The following TBRG4 variants were observed in gnomAD, a reference collection of about 807,000 sequenced individuals.
TBRG4 encodes the protein FAST kinase domain-containing protein 4.
TBRG4 carries 43 observed loss-of-function variants against 65.6 expected under a neutral mutation model. The ratio of observed to expected loss-of-function variants is 0.66; its 90% CI spans 0.51 to 0.85. The LOEUF is 0.85. TBRG4 is among the 40% of genes least tolerant of loss of function. The pLI, the probability that TBRG4 is intolerant of heterozygous loss-of-function variation, is 0.00. For missense variants in TBRG4, 709 were observed against 787.9 expected, an observed-to-expected ratio of 0.90 and a Z score of 1.20; for synonymous variants, 366 against 341.4, an observed-to-expected ratio of 1.07 and a Z score of -0.79.
At chr7:45,108,711 A>G in intron 2 of TBRG4, 116 bp downstream of exon 2, 1 of 818,410 alleles carries the variant, frequency 1.2e-6, no homozygotes, top group Non-Finnish European at 1.8e-6. Context: ...AATAAAAAAT[A>G]TCACAAGAGA....
At chr7:45,111,228 G>A (rs951893480) in intron 1 of TBRG4, 1 of 154,470 alleles carries the variant, frequency 6.5e-6, no homozygotes, top group Non-Finnish European at 1.5e-5. Context: ...GGGATTACCG[G>A]AGTGAGCCAC....
Position 45,102,079 on chromosome 7 carries a change from C to T in TBRG4, c.1322-9G>A, listed in dbSNP as rs1267791764. 1 of 1,566,760 alleles carries T rather than the reference C, an allele frequency of 6.4e-7. No individual in the cohort carries two copies. Among genetic ancestry groups the T allele is most frequent in the Non-Finnish European group, 8.6e-7 (1 of 1,163,748 alleles). ...CTTCTGAGACTTGCCCCCTAGGAGACAAGGAGAAAGAAGAGGGAGGTGGGC... is the reference window on the plus strand; with the variant it reads ...CTTCTGAGACTTGCCCCCTAGGAGATAAGGAGAAAGAAGAGGGAGGTGGGC... On this transcript the variant is annotated splice_polypyrimidine_tract_variant and intron_variant, in intron 7 of 10. Coordinates refer to ENST00000258770, the MANE Select transcript of TBRG4 (RefSeq NM_004749.4).
At position 45,109,275 on chromosome 7, in the gene TBRG4, G is replaced by A; in HGVS notation, c.-38C>T. ...GGCAGAGAGACAAGACTCCTAGCAA[G>A]TGATTCCAAACCCTGAAGAGAAAAA... On this transcript the variant is annotated 5_prime_UTR_variant, in exon 2 of 11. Coordinates refer to ENST00000258770, the MANE Select transcript of TBRG4 (RefSeq NM_004749.4). The A allele has an allele frequency of 1.3e-6, 2 of 1,533,806 alleles. No homozygotes were observed. Among genetic ancestry groups the A allele is most frequent in the Non-Finnish European group, 1.7e-6 (2 of 1,143,212 alleles).
chr7:45,104,065 A>G, intron 5 of TBRG4, 34 bp downstream of exon 5: 9 of 1,545,878 alleles, frequency 5.8e-6, no homozygotes, highest in African/African-American at 1.4e-5. Flanking sequence ...CCAGGAAGCC[A>G]GCTTCTCTGA....
intron 5 of TBRG4, 29 bp downstream of exon 5, chr7:45,104,070 C>T (rs1308508124): frequency 8.4e-6 from 13 of 1,555,934 alleles, no homozygotes; most frequent in Non-Finnish European, 1.1e-5. Flanking sequence ...AAGCCAGCTT[C>T]TCTGAGTTGG....
At position 45,109,272 on chromosome 7, in the gene TBRG4, C is replaced by A. The variant is rs780234491; in HGVS notation, c.-35G>T. On this transcript the variant is annotated 5_prime_UTR_variant, in exon 2 of 11. Coordinates refer to ENST00000258770, the MANE Select transcript of TBRG4 (RefSeq NM_004749.4). Reference sequence around the variant, plus strand: ...GGTGGCAGAGAGACAAGACTCCTAGCAAGTGATTCCAAACCCTGAAGAGAA... The same window carrying A: ...GGTGGCAGAGAGACAAGACTCCTAGAAAGTGATTCCAAACCCTGAAGAGAA... 10 of 1,533,628 alleles carry A rather than the reference C, an allele frequency of 6.5e-6. No homozygotes were observed. The Admixed American group carries it at 1.9e-4, about 29-fold the overall frequency.
rs377343137 is a variant in TBRG4 at position 45,108,810 on chromosome 7, C to G, written c.411+17G>C. On this transcript the variant is annotated intron_variant, in intron 2 of 10. Transcript: ENST00000258770. ...TTTCCTCTTGTCTATGCTCTCAGAC[C>G]ACACTCCGGCACCCACCTGACTGTT... The G allele has an allele frequency of 1.5e-5, 22 of 1,513,622 alleles. No homozygotes were observed. In the African/African-American group the frequency reaches 2.2e-4, roughly 15 times the overall value. The allele number at this position is 1,513,622 out of a possible 1,614,324, so 93.8% of individuals were successfully genotyped here. A position where few individuals can be genotyped will look rare whatever the true frequency, so the allele number is the denominator to read the frequency against.
At chr7:45,103,785 G>A (rs1784845676) in intron 5 of TBRG4, 4 of 517,642 alleles carry the variant, frequency 7.7e-6, no homozygotes, top group Non-Finnish European at 1.4e-5. Context: ...ACTTTGCGAG[G>A]GGGATCAGTG....
Position 45,104,681 on chromosome 7 carries a change from G to A in TBRG4, c.764C>T (p.Pro255Leu). ...CACCAGCACCTTCCGCAGCTCATTG[G>A]GGCCAAAGTGCTCCACCAACTCCAG... ...KCLELVEHFG[P>L]NELRKVLVML... Residue 255 changes from proline (P) to leucine (L), a missense_variant, in exon 4 of 11, where the codon CCC (proline) becomes CTC (leucine). Transcript: ENST00000258770. The A allele has an allele frequency of 6.2e-7, 1 of 1,613,874 alleles. No individual in the cohort carries two copies. The highest frequency in any genetic ancestry group is 1.3e-5 in the African/African-American group (1 of 75,050).
At position 45,109,241 on chromosome 7, in the gene TBRG4, G is replaced by A. The variant is rs1436487979; in HGVS notation, c.-4C>T. The A allele has an allele frequency of 1.3e-6, 2 of 1,573,470 alleles. No homozygotes were observed. Among genetic ancestry groups the A allele is most frequent in the East Asian group, 2.2e-5 (1 of 44,586 alleles). On this transcript the variant is annotated 5_prime_UTR_variant, in exon 2 of 11. Transcript: ENST00000258770. ...GCTTTACCAGGTGAGCTGCCATGATGTCCTGGGTGGCAGAGAGACAAGACT... is the reference window on the plus strand; with the variant it reads ...GCTTTACCAGGTGAGCTGCCATGATATCCTGGGTGGCAGAGAGACAAGACT...
In TBRG4 at chr7:45,109,140, C is replaced by G. The variant is rs771095877; in HGVS notation, c.98G>C (p.Trp33Ser). The G allele has an allele frequency of 6.2e-7, 1 of 1,614,078 alleles. No individual in the cohort carries two copies. Among genetic ancestry groups the G allele is most frequent in the African/African-American group, 1.3e-5 (1 of 74,946 alleles). The change falls in exon 2 of 11, where the codon TGG (tryptophan) becomes TCG (serine). Residue 33 changes from tryptophan to serine, a missense_variant. Physicochemically the swap from Trp to Ser is radical, Grantham distance 177. Coordinates refer to ENST00000258770, the MANE Select transcript of TBRG4 (RefSeq NM_004749.4). ...MAPVGRLRLA[W>S]VAHKTLTSSA... The stretch of plus-strand genomic sequence containing the variant: ...GGAAGTCAGAGTCTTATGGGCTACC[C>G]AGGCAAGTCTCAGTCGGCCAACTGG...
intron 6 of TBRG4, 96 bp from the exon 7 acceptor site, chr7:45,102,587 G>A: frequency 6.6e-7 from 1 of 1,518,590 alleles, no homozygotes; most frequent in South Asian, 1.3e-5. Flanking sequence ...GTCTTGGCCT[G>A]GTTGGGATGA....
At position 45,103,169 on chromosome 7, in the gene TBRG4, T is replaced by A. The variant is rs1784823222; in HGVS notation, c.1176+164A>T. 30 of 647,696 alleles carry A rather than the reference T, an allele frequency of 4.6e-5. No individual in the cohort carries two copies. In the South Asian group the frequency reaches 4.9e-4, roughly 10 times the overall value. The allele number at this position is 647,696 out of a possible 1,614,324, so 40.1% of individuals were successfully genotyped here. ...GCAGGATTTCATGTGTTCTCAGTAATCCCTAGGATGCCTGGCTCCAATCAG... is the reference window on the plus strand; with the variant it reads ...GCAGGATTTCATGTGTTCTCAGTAAACCCTAGGATGCCTGGCTCCAATCAG... On this transcript the variant is annotated intron_variant, in intron 6 of 10. Transcript: ENST00000258770.
chr7:45,103,904 G>T (rs3801407), intron 5 of TBRG4, 195 bp downstream of exon 5: 2 of 758,812 alleles, frequency 2.6e-6, no homozygotes, highest in African/African-American at 3.5e-5. Flanking sequence ...TGAAAGAACA[G>T]AGGAAACAGT....
At chr7:45,105,832 C>A (rs1451583792) in intron 2 of TBRG4, 68 bp from the exon 3 acceptor site, 6 of 1,493,278 alleles carry the variant, frequency 4.0e-6, no homozygotes, top group Non-Finnish European at 5.5e-6. Flanking sequence ...CTGGAGGCTA[C>A]CTCTCTGAAC....
Position 45,102,374 on chromosome 7 carries a change from G to A in TBRG4, c.1294C>T (p.His432Tyr). 1 of 1,614,142 alleles carries A rather than the reference G, an allele frequency of 6.2e-7. No homozygotes were observed. Among genetic ancestry groups the A allele is most frequent in the Non-Finnish European group, 8.5e-7 (1 of 1,180,028 alleles). ...AREAELQAVL[H>Y]PEFHIQFLGG... ...AGAAATTGGATGTGAAATTCAGGGTGGAGGACGGCTTGCAGCTCTGCTTCC... is the reference window on the plus strand; with the variant it reads ...AGAAATTGGATGTGAAATTCAGGGTAGAGGACGGCTTGCAGCTCTGCTTCC... Residue 432 changes from histidine (H) to tyrosine (Y), a missense_variant, in exon 7 of 11, where the codon CAC (histidine) becomes TAC (tyrosine). Physicochemically the swap from His to Tyr is moderately conservative, Grantham distance 83 (BLOSUM62 2). Transcript: ENST00000258770.
In TBRG4 at chr7:45,102,466, A is replaced by G; in HGVS notation, c.1202T>C (p.Leu401Pro). 6.2e-7 allele frequency: 1 copy of G among 1,612,220 alleles called. No homozygotes were observed. Among genetic ancestry groups the G allele is most frequent in the Non-Finnish European group, 8.5e-7 (1 of 1,179,980 alleles). ...CTGCAGGGCTGGCTCCAGGCCTGGC[A>G]GCTCTGACCCCAGCTTCTCATGTAC... ...SLVHEKLGSE[L>P]PGLEPALQVD... Residue 401 changes from leucine (L) to proline (P), a missense_variant, in exon 7 of 11, where the codon CTG (leucine) becomes CCG (proline). Transcript: ENST00000258770.
At chr7:45,102,137 G>A (rs944948490) in intron 7 of TBRG4, 67 bp from the exon 8 acceptor site, 5 of 1,536,138 alleles carry the variant, frequency 3.3e-6, no homozygotes, top group African/African-American at 2.8e-5. Context: ...CCTGATGAGA[G>A]GGCAGTGCAC....
Position 45,101,805 on chromosome 7 carries a change from C to T in TBRG4, c.1567+20G>A, listed in dbSNP as rs537176777. 217 of 1,602,226 alleles carry T rather than the reference C, an allele frequency of 1.4e-4. 2 individuals are homozygous for T. In the South Asian group the frequency reaches 2.3e-3, roughly 17 times the overall value. ...ACTCAGGCAATGCCAGGCCCTGTGC[C>T]AACCAGGGGGAGCCCTCACCCAGCA... On this transcript the variant is annotated intron_variant, in intron 8 of 10. Transcript: ENST00000258770.
Sources: allele counts gnomAD v4.1 joint callset, GRCh38; gene constraint gnomAD v4.1.1; transcripts MANE v1.5; gene names NCBI Gene and HGNC (gene_info 2026-07-23, HGNC 2026-07-21).